Variants in ZBTB8A observed in about 807,000 individuals in gnomAD.
The protein encoded by ZBTB8A is zinc finger and BTB domain-containing protein 8A.
ZBTB8A carries 19 observed loss-of-function variants against 37.8 expected under a neutral mutation model. That is an observed-to-expected ratio of 0.50 (90% CI 0.35 to 0.74). ZBTB8A has a LOEUF of 0.74. ZBTB8A is among the 30% of genes least tolerant of loss of function. ZBTB8A has a pLI of 0.01. For missense variants in ZBTB8A, 394 were observed against 537.8 expected, an observed-to-expected ratio of 0.73 and a Z score of 2.65; for synonymous variants, 181 against 185.2, an observed-to-expected ratio of 0.98 and a Z score of 0.19.
intron 2 of ZBTB8A, among the ~76,000 whole-genome samples, chr1:32,571,975 C>T (rs2148233003): frequency 6.6e-6 from 1 of 152,098 alleles, no homozygotes; most frequent in East Asian, 1.9e-4. Context: ...ACAATCTTGG[C>T]TCACTACAAC....
rs1255109031 is a variant in ZBTB8A at position 32,581,807 on chromosome 1, G to A, written c.-1-11124G>A. The stretch of plus-strand genomic sequence containing the variant: ...GAAACTTACAATCATGGCAGAAGGT[G>A]AAGGAGAAGCAGGCATCTTTACAGG... On this transcript the variant is annotated intron_variant, in intron 2 of 4. Transcript: ENST00000373510. Among the ~76,000 whole-genome samples the A allele has an allele frequency of 6.6e-5, 10 of 152,152 alleles. No individual in the cohort carries two copies. In the South Asian group the frequency reaches 1.5e-3, roughly 22 times the overall value.
intron 2 of ZBTB8A, among the ~76,000 whole-genome samples, chr1:32,557,023 C>G (rs538670330): frequency 2.0e-5 from 3 of 152,170 alleles, no homozygotes; most frequent in African/African-American, 7.2e-5. Context: ...GGGAAAAGAC[C>G]AGTTGCGGTG....
At chr1:32,553,308 C>CTCAG (rs1644172211) in intron 1 of ZBTB8A, among the ~76,000 whole-genome samples, 151 bp from the exon 2 acceptor site, 13 of 152,262 alleles carry the variant, frequency 8.5e-5, no homozygotes, top group Middle Eastern at 6.8e-3. Flanking sequence ...TATCTGCCCG[C>CTCAG]GTTGGCCTCC....
At position 32,543,079 on chromosome 1, in the gene ZBTB8A, T is replaced by G. The variant is rs74481672; in HGVS notation, c.-84+3507T>G. Among the ~76,000 whole-genome samples, 1,070 of 152,270 alleles carry G rather than the reference T, an allele frequency of 7.0e-3. 17 individuals carry two copies. Among genetic ancestry groups the G allele is most frequent in the African/African-American group, 0.024 (1,010 of 41,548 alleles). On this transcript the variant is annotated intron_variant, in intron 1 of 4. Transcript: ENST00000373510. ...CAGTGTATAGGACAATTCCTATTTT[T>G]TTTTTAGATATAACTTTTTTTGAGA...
intron 2 of ZBTB8A, among the ~76,000 whole-genome samples, chr1:32,568,674 C>T (rs1393589859): frequency 1.3e-5 from 2 of 152,228 alleles, no homozygotes; most frequent in African/African-American, 4.8e-5. Context: ...GCGTGAGCCA[C>T]TGCGCCCGGC....
intron 2 of ZBTB8A, among the ~76,000 whole-genome samples, chr1:32,562,615 C>A (rs1281240766): frequency 7.7e-6 from 1 of 129,784 alleles, no homozygotes; most frequent in Non-Finnish European, 1.6e-5. Flanking sequence ...TTCGCTCTGT[C>A]ACCCAGGCTG....
intron 1 of ZBTB8A, among the ~76,000 whole-genome samples, chr1:32,546,839 C>T (rs1040211967): frequency 2.0e-5 from 3 of 152,170 alleles, no homozygotes; most frequent in African/African-American, 7.2e-5. Flanking sequence ...CCCTCTGTCT[C>T]CCTGGCGCTG....
chr1:32,591,056 G>A (rs1351350993), intron 2 of ZBTB8A, among the ~76,000 whole-genome samples: 3 of 146,352 alleles, frequency 2.0e-5, no homozygotes, highest in Admixed American at 1.4e-4. Flanking sequence ...ATGATGCCCA[G>A]CTAAACTTTT....
At chr1:32,598,278 G>A (rs1397980901) in intron 4 of ZBTB8A, among the ~76,000 whole-genome samples, 1 of 119,310 alleles carries the variant, frequency 8.4e-6, no homozygotes, top group Non-Finnish European at 1.6e-5. Flanking sequence ...TGTCATCTAA[G>A]CTGGAGTGCA....
intron 2 of ZBTB8A, among the ~76,000 whole-genome samples, chr1:32,575,699 A>C (rs942723762): frequency 1.3e-5 from 2 of 151,856 alleles, no homozygotes; most frequent in African/African-American, 2.4e-5. Context: ...AAATTAAAAA[A>C]AAAAAAAATA....
intron 3 of ZBTB8A, among the ~76,000 whole-genome samples, chr1:32,594,429 T>C (rs2148251575): frequency 6.6e-6 from 1 of 152,126 alleles, no homozygotes; most frequent in African/African-American, 2.4e-5. Flanking sequence ...AGTTTTTTTT[T>C]TTCCTGTGTA....
intron 4 of ZBTB8A, among the ~76,000 whole-genome samples, chr1:32,599,607 C>T (rs1393941713): frequency 6.6e-6 from 1 of 152,020 alleles, no homozygotes; most frequent in Non-Finnish European, 1.5e-5. Flanking sequence ...ATACCAGCTA[C>T]TCAGGAGGCT....
At chr1:32,585,178 G>T (rs541782500) in intron 2 of ZBTB8A, among the ~76,000 whole-genome samples, 7 of 151,206 alleles carry the variant, frequency 4.6e-5, no homozygotes, top group African/African-American at 1.7e-4. Context: ...CCACAGATAT[G>T]TGCCATTTTC....
chr1:32,567,724 G>A (rs1423128637), intron 2 of ZBTB8A, among the ~76,000 whole-genome samples: 11 of 145,614 alleles, frequency 7.6e-5, no homozygotes, highest in East Asian at 4.0e-4. Flanking sequence ...CCCGGGAGGC[G>A]GAGCTTGCAG....
intron 1 of ZBTB8A, among the ~76,000 whole-genome samples, chr1:32,546,433 G>A (rs1255958459): frequency 6.6e-6 from 1 of 150,704 alleles, no homozygotes; most frequent in Non-Finnish European, 1.5e-5. Flanking sequence ...AACAGAGTGA[G>A]ACTCTGTCTC....
chr1:32,572,472 T>C (rs750601776), intron 2 of ZBTB8A, among the ~76,000 whole-genome samples: 3 of 152,034 alleles, frequency 2.0e-5, no homozygotes, highest in Non-Finnish European at 4.4e-5. Flanking sequence ...CTCACCTTAC[T>C]GCAACCTCCG....
At chr1:32,567,818 A>ACCAAAC in intron 2 of ZBTB8A, among the ~76,000 whole-genome samples, 1 of 23,098 alleles carries the variant, frequency 4.3e-5, no homozygotes, top group African/African-American at 1.9e-4. Context: ...AAAAAAAAAA[A>ACCAAAC]AAAAACAAAA....
chr1:32,588,002 G>A (rs1472356606), intron 2 of ZBTB8A, among the ~76,000 whole-genome samples: 2 of 152,148 alleles, frequency 1.3e-5, no homozygotes, highest in African/African-American at 4.8e-5. Flanking sequence ...ACATGTGGAG[G>A]TTCCTGGAGG....
chr1:32,581,495 G>A (rs1203380441), intron 2 of ZBTB8A, among the ~76,000 whole-genome samples: 1 of 150,438 alleles, frequency 6.6e-6, no homozygotes. Context: ...GGGATTACAG[G>A]CGCACGCCAA....
Sources: gnomAD v4.1 joint callset for allele counts (sites outside exome capture counted in the v4.1 genomes callset) on GRCh38, gnomAD v4.1.1 for gene constraint, MANE v1.5 for transcripts, NCBI Gene and HGNC (gene_info 2026-07-23, HGNC 2026-07-21) for gene names.